The following DNMT3B variants were observed in gnomAD, a reference collection of about 807,000 sequenced individuals.
The protein encoded by DNMT3B is DNA (cytosine-5)-methyltransferase 3B.
DNMT3B carries 37 observed loss-of-function variants against 120.2 expected under a neutral mutation model. That is an observed-to-expected ratio of 0.31 (90% CI 0.24 to 0.40). DNMT3B has a LOEUF of 0.40. Among genes scored for constraint, DNMT3B ranks in the 10% least tolerant of loss-of-function variants. The pLI, the probability that DNMT3B is intolerant of heterozygous loss-of-function variation, is 1.00. For synonymous variants in DNMT3B, 412 were observed against 442.8 expected (o/e 0.93, Z 0.87); for missense variants, 878 against 1,137.3 (o/e 0.77, Z 3.28).
intron 1 of DNMT3B, among the ~76,000 whole-genome samples, chr20:32,774,694 T>C (rs1020260293): frequency 6.7e-6 from 1 of 149,494 alleles, no homozygotes; most frequent in African/African-American, 2.5e-5. Context: ...GGGTCTCCCA[T>C]GTCTTGTCTT....
At chr20:32,800,435 A>G in intron 17 of DNMT3B, 137 bp downstream of exon 17, 1 of 1,344,524 alleles carries the variant, frequency 7.4e-7, no homozygotes, top group Non-Finnish European at 1.0e-6. Flanking sequence ...AATCTTAAGC[A>G]TTAGGTTAGG....
chr20:32,778,251 G>T, intron 1 of DNMT3B, among the ~76,000 whole-genome samples: 1 of 152,140 alleles, frequency 6.6e-6, no homozygotes, highest in Non-Finnish European at 1.5e-5. Context: ...CAGGAGAATC[G>T]CTTGAACCTG....
chr20:32,780,964 A>G (rs1568831754), intron 2 of DNMT3B, among the ~76,000 whole-genome samples: 1 of 152,134 alleles, frequency 6.6e-6, no homozygotes, highest in East Asian at 1.9e-4. Flanking sequence ...AAAGGGTTCT[A>G]TTTCTGCATT....
chr20:32,768,650 C>A (rs1411543485), intron 1 of DNMT3B, among the ~76,000 whole-genome samples: 1 of 152,080 alleles, frequency 6.6e-6, no homozygotes, highest in African/African-American at 2.4e-5. Context: ...TATCATGGTT[C>A]CTGAAGCCTA....
In DNMT3B at chr20:32,806,347, G is replaced by A. The variant is rs1156523081; in HGVS notation, c.2420+20G>A. ...CGAAAGGTGAGCAAGGCTGCACTTG[G>A]AGAGGGAAACTGTGTAGATCAAAAC... On this transcript the variant is annotated intron_variant, in intron 22 of 22. Coordinates refer to ENST00000328111, the MANE Select transcript of DNMT3B (RefSeq NM_006892.4). 6.8e-6 allele frequency: 11 copies of A among 1,610,214 alleles called. No homozygotes were observed. Among genetic ancestry groups the A allele is most frequent in the Non-Finnish European group, 9.4e-6 (11 of 1,176,464 alleles).
In DNMT3B at chr20:32,762,588, C is replaced by G; in HGVS notation, c.-118C>G. 3.0e-6 allele frequency: 1 copy of G among 338,152 alleles called. No homozygotes were observed. Among genetic ancestry groups the G allele is most frequent in the East Asian group, 1.4e-4 (1 of 7,064 alleles). 20.9% of individuals were successfully genotyped at this position (338,152 alleles called of 1,614,324 possible). A position where few individuals can be genotyped will look rare whatever the true frequency, so the allele number is the denominator to read the frequency against. On this transcript the variant is annotated 5_prime_UTR_variant, in exon 1 of 23. Coordinates refer to ENST00000328111, the MANE Select transcript of DNMT3B (RefSeq NM_006892.4). ...CAAGTAAACCTAGCTCGGCGATCGG[C>G]GCCGGAGATTCGCGAGCCCAGCGCC...
intron 1 of DNMT3B, among the ~76,000 whole-genome samples, chr20:32,772,403 G>A (rs892745825): frequency 6.6e-6 from 1 of 152,196 alleles, no homozygotes; most frequent in Non-Finnish European, 1.5e-5. Context: ...CACAGGTGCA[G>A]CCTGCTGTGA....
chr20:32,805,471 A>G, intron 21 of DNMT3B, 64 bp downstream of exon 21: 1 of 1,599,166 alleles, frequency 6.3e-7, no homozygotes, highest in Non-Finnish European at 8.6e-7. Context: ...GACTTGGGAG[A>G]TGACCTTGGT....
intron 3 of DNMT3B, among the ~76,000 whole-genome samples, chr20:32,783,965 C>T (rs1283638325): frequency 2.7e-5 from 4 of 149,146 alleles, no homozygotes; most frequent in African/African-American, 5.0e-5. Context: ...AGCTAGAGTG[C>T]GGTGGCGCGA....
In DNMT3B at chr20:32,806,115, G is replaced by T. The variant is rs377281111; in HGVS notation, c.2302-94G>T. 6.0e-6 allele frequency: 7 copies of T among 1,160,588 alleles called. No homozygotes were observed. In the South Asian group the frequency reaches 7.4e-5, roughly 12 times the overall value. 71.9% of individuals were successfully genotyped at this position (1,160,588 alleles called of 1,614,324 possible). On this transcript the variant is annotated intron_variant, in intron 21 of 22. Transcript: ENST00000328111. ...CCTGCCACTCTTCTGCCGCACCTGC[G>T]CTCTCCCCTCCATCTTTCCCAGGTA...
rs980923137 is a variant in DNMT3B at position 32,772,571 on chromosome 20, C to T, written c.-6-7747C>T. Among the ~76,000 whole-genome samples the T allele has an allele frequency of 8.6e-5, 13 of 151,052 alleles. No individual in the cohort carries two copies. In the South Asian group the frequency reaches 2.3e-3, roughly 27 times the overall value. ...AGGATTCTGCTCCAATGCTGCCCCTCATTCTCTGAGTTACCATTGACCACT... is the reference window on the plus strand; with the variant it reads ...AGGATTCTGCTCCAATGCTGCCCCTTATTCTCTGAGTTACCATTGACCACT... On this transcript the variant is annotated intron_variant, in intron 1 of 22. Coordinates refer to ENST00000328111, the MANE Select transcript of DNMT3B (RefSeq NM_006892.4).
chr20:32,773,315 T>A (rs1046202831), intron 1 of DNMT3B, among the ~76,000 whole-genome samples: 1 of 152,182 alleles, frequency 6.6e-6, no homozygotes, highest in Non-Finnish European at 1.5e-5. Context: ...CTGCTTACTA[T>A]GCCAAGGGCC....
chr20:32,778,938 AGATAGATG>A (rs1030645354), intron 1 of DNMT3B, among the ~76,000 whole-genome samples: 11 of 113,434 alleles, frequency 9.7e-5, no homozygotes, highest in African/African-American at 3.9e-4. Context: ...CCTGTCTCTA[AGATAGATG>A]GATGGATGGA....
At chr20:32,806,452 T>C (rs1981992430) in intron 22 of DNMT3B, 125 bp downstream of exon 22, 18 of 887,072 alleles carry the variant, frequency 2.0e-5, no homozygotes, top group Non-Finnish European at 3.3e-5. Context: ...GGGCGAGGAG[T>C]AATAATACCT....
chr20:32,789,639 A>C (rs190142404), intron 7 of DNMT3B, among the ~76,000 whole-genome samples: 178 of 152,184 alleles, frequency 1.2e-3, no homozygotes, highest in Non-Finnish European at 2.1e-3. Context: ...TGTTGCCCAG[A>C]CTGGAGTGCA....
intron 1 of DNMT3B, among the ~76,000 whole-genome samples, chr20:32,772,567 C>T (rs1280267106): frequency 6.6e-6 from 1 of 151,228 alleles, no homozygotes; most frequent in Non-Finnish European, 1.5e-5. Context: ...CCAATGCTGC[C>T]CCTCATTCTC....
chr20:32,787,281 C>T lies in DNMT3B; in HGVS notation c.484C>T (p.Pro162Ser). The change falls in exon 6 of 23, where the codon CCC becomes TCC. Residue 162 changes from proline to serine, a missense_variant. Coordinates refer to ENST00000328111, the MANE Select transcript of DNMT3B (RefSeq NM_006892.4). ...ASAGTPWPSPPSSYLTIDLTD... is the reference protein window; with the variant it reads ...ASAGTPWPSPSSSYLTIDLTD... ...GGCAGGAACGCCATGGCCGTCCCCT[C>T]CCAGCTCTTACCTTACCATCGACCT... 1.2e-6 allele frequency: 2 copies of T among 1,614,260 alleles called. No individual in the cohort carries two copies. The highest frequency in any genetic ancestry group is 1.7e-6 in the Non-Finnish European group (2 of 1,180,052).
At chr20:32,785,680 A>G (rs1285359014) in intron 4 of DNMT3B, among the ~76,000 whole-genome samples, 2 of 152,148 alleles carry the variant, frequency 1.3e-5, no homozygotes, top group Admixed American at 1.3e-4. Context: ...GAGGTTAAAC[A>G]TCAACTCTTC....
rs145694804 is a variant in DNMT3B, at chr20:32,781,369, G to A, written c.159G>A (p.Ser53=). ...TPEIRGRRSS[S]RLSKREVSSL... ...CCTCTACAGGCCGAAGATCAAGCTC[G>A]CGACTCTCCAAGAGGGAGGTGTCCA... is the stretch of plus-strand genomic sequence containing the variant. Residue 53 remains serine (S), a synonymous_variant, in exon 3 of 23, where the codon TCG becomes TCA. Transcript: ENST00000328111. 195 of 1,614,146 alleles carry A rather than the reference G, an allele frequency of 1.2e-4. No individual in the cohort carries two copies. Among genetic ancestry groups the A allele is most frequent in the African/African-American group, 7.2e-4 (54 of 75,024 alleles).
Sources: allele counts gnomAD v4.1 joint callset (sites outside exome capture counted in the v4.1 genomes callset), GRCh38; gene constraint gnomAD v4.1.1; transcripts MANE v1.5; gene names NCBI Gene and HGNC (gene_info 2026-07-23, HGNC 2026-07-21).